EIF4B: variants seen among roughly 807,000 people sequenced by gnomAD.
The protein encoded by EIF4B is eukaryotic translation initiation factor 4B.
EIF4B carries 8 observed loss-of-function variants against 79.3 expected under a neutral mutation model. The observed-to-expected ratio is 0.10, with a 90% CI of 0.06 to 0.18. The LOEUF is 0.18. EIF4B is among the 10% of genes least tolerant of loss of function. The pLI, the probability that EIF4B is intolerant of heterozygous loss-of-function variation, is 1.00. For missense variants in EIF4B, 515 were observed against 792.4 expected (o/e 0.65, Z 4.20); for synonymous variants, 238 against 274.7 (o/e 0.87, Z 1.32).
intron 1 of EIF4B, 46 bp downstream of exon 1, chr12:53,006,542 C>T: frequency 6.2e-7 from 1 of 1,613,084 alleles, no homozygotes; most frequent in Non-Finnish European, 8.5e-7. Context: ...TCTGAAACCC[C>T]CCTCCGAGCG....
intron 8 of EIF4B, among the ~76,000 whole-genome samples, chr12:53,029,713 A>G (rs1226688873): frequency 6.6e-6 from 1 of 151,994 alleles, no homozygotes; most frequent in Admixed American, 6.6e-5. Flanking sequence ...TTAGTCCTAA[A>G]CTTTGTGGCA....
At chr12:53,022,267 A>G (rs1943257491) in intron 5 of EIF4B, 7 of 716,806 alleles carry the variant, frequency 9.8e-6, no homozygotes, top group Non-Finnish European at 1.7e-5. Context: ...CTCCTGGCCC[A>G]TACAGAATTT....
chr12:53,024,648 CTTTGT>C (rs145603743), intron 6 of EIF4B, among the ~76,000 whole-genome samples: 11 of 152,024 alleles, frequency 7.2e-5, no homozygotes, highest in South Asian at 4.1e-4. Flanking sequence ...TTTACAAGCT[CTTTGT>C]TTTGTTTTGT....
At chr12:53,008,451 GCTC>G (rs1176149566) in intron 1 of EIF4B, 3 of 152,130 alleles carry the variant, frequency 2.0e-5, no homozygotes, top group African/African-American at 7.2e-5. Context: ...TTGTTTCCCC[GCTC>G]CTCTTTCCAG....
intron 1 of EIF4B, among the ~76,000 whole-genome samples, chr12:53,006,854 A>G (rs1341262042): frequency 1.3e-5 from 2 of 151,144 alleles, no homozygotes; most frequent in East Asian, 3.9e-4. Context: ...TGGAGGAAGG[A>G]AGGAGGCGGT....
At chr12:53,031,024 C>G (rs927920144) in intron 8 of EIF4B, among the ~76,000 whole-genome samples, 2 of 151,918 alleles carry the variant, frequency 1.3e-5, no homozygotes, top group African/African-American at 4.8e-5. Context: ...AAGATTTGCC[C>G]TCTTGTCTCT....
intron 8 of EIF4B, among the ~76,000 whole-genome samples, chr12:53,033,543 A>G (rs541141253): frequency 6.8e-6 from 1 of 147,472 alleles, no homozygotes; most frequent in African/African-American, 2.5e-5. Context: ...GGGTTTCACC[A>G]TGTTGTCCAG....
chr12:53,033,192 T>C (rs1344454740), intron 8 of EIF4B, among the ~76,000 whole-genome samples: 3 of 149,578 alleles, frequency 2.0e-5, no homozygotes, highest in Non-Finnish European at 4.4e-5. Context: ...GCTAATTTTT[T>C]ATTTTTACTA....
Position 53,022,531 on chromosome 12 carries a change from G to C in EIF4B, c.571G>C (p.Asp191His). 6.2e-7 allele frequency: 1 copy of C among 1,613,326 alleles called. No individual in the cohort carries two copies. The highest frequency in any genetic ancestry group is 8.5e-7 in the Non-Finnish European group (1 of 1,179,868). Residue 191 changes from aspartate (D) to histidine (H), a missense_variant, in exon 6 of 15, where the codon GAT becomes CAT. Physicochemically the swap from Asp to His is moderately conservative, Grantham distance 81. Coordinates refer to ENST00000262056, the MANE Select transcript of EIF4B (RefSeq NM_001417.7). The stretch of plus-strand genomic sequence containing the variant: ...TTCTTTTGGCCGTGATAGAAATCGG[G>C]ATTCTGACAAAACAGATACAGACTG... ...DRSFGRDRNR[D>H]SDKTDTDWRA...
rs1168133310 is a variant in EIF4B, at chr12:53,016,172, A to G, written c.14-301A>G. Reference sequence around the variant, plus strand: ...ACAAAATTAAAGATCTCAAATGATAAGTGAATATAGTAGAAAATAAAAGGT... The same window carrying G: ...ACAAAATTAAAGATCTCAAATGATAGGTGAATATAGTAGAAAATAAAAGGT... On this transcript the variant is annotated intron_variant, in intron 1 of 14. Coordinates refer to ENST00000262056, the MANE Select transcript of EIF4B (RefSeq NM_001417.7). Among the ~76,000 whole-genome samples the G allele has an allele frequency of 2.0e-5, 3 of 152,368 alleles. No homozygotes were observed. The East Asian group carries it at 5.8e-4, about 29-fold the overall frequency.
At chr12:53,038,489 GC>G (rs781520454) in intron 12 of EIF4B, 78 bp downstream of exon 12, 20 of 1,416,802 alleles carry the variant, frequency 1.4e-5, no homozygotes, top group Non-Finnish European at 1.9e-5. Context: ...ATTTTGAAGA[GC>G]AGTGTGTCTC....
chr12:53,028,259 T>TACGA, intron 8 of EIF4B, 71 bp downstream of exon 8: 1 of 1,511,378 alleles, frequency 6.6e-7, no homozygotes, highest in East Asian at 2.3e-5. Context: ...GTGATTGTGT[T>TACGA]ACGAACTACT....
In EIF4B at chr12:53,040,130, C is replaced by T. The variant is rs763043784; in HGVS notation, c.1756-13C>T. The T allele has an allele frequency of 1.4e-5, 23 of 1,613,880 alleles. No homozygotes were observed. The highest frequency in any genetic ancestry group is 1.7e-5 in the Admixed American group (1 of 60,000). On this transcript the variant is annotated splice_polypyrimidine_tract_variant and intron_variant, in intron 14 of 14. Coordinates refer to ENST00000262056, the MANE Select transcript of EIF4B (RefSeq NM_001417.7). ...AGGGCCTTCATTATCCTGTCACTCT[C>T]GTTGTGTTACAGAAGTTCAGTTCTG...
At chr12:53,028,742 G>T (rs10783556) in intron 8 of EIF4B, among the ~76,000 whole-genome samples, 3 of 151,818 alleles carry the variant, frequency 2.0e-5, no homozygotes, top group Non-Finnish European at 2.9e-5. Flanking sequence ...ACTTAAAACA[G>T]ATGGTTTTAG....
intron 7 of EIF4B, 48 bp downstream of exon 7, chr12:53,027,967 T>G (rs760660925): frequency 6.2e-7 from 1 of 1,608,300 alleles, no homozygotes; most frequent in Non-Finnish European, 8.5e-7. Flanking sequence ...TTTGCCTTTT[T>G]TTTTTCCCCC....
chr12:53,034,831 G>A (rs2120975526), intron 10 of EIF4B, 122 bp downstream of exon 10: 1 of 1,076,428 alleles, frequency 9.3e-7, no homozygotes, highest in South Asian at 1.4e-5. Flanking sequence ...GGGTTGCATG[G>A]GCCGATTGGA....
At chr12:53,020,470 A>G (rs1943230007) in intron 4 of EIF4B, among the ~76,000 whole-genome samples, 1 of 152,224 alleles carries the variant, frequency 6.6e-6, no homozygotes, top group Non-Finnish European at 1.5e-5. Context: ...ATTTGGAAAC[A>G]TTTCCTACAA....
At chr12:53,006,618 G>A in intron 1 of EIF4B, 122 bp downstream of exon 1, 1 of 1,557,358 alleles carries the variant, frequency 6.4e-7, no homozygotes, top group East Asian at 2.3e-5. Context: ...TGAGGGCTGC[G>A]GCAGGCTGGC....
At chr12:53,022,104 G>T (rs1816971861) in intron 5 of EIF4B, 1 of 636,586 alleles carries the variant, frequency 1.6e-6, no homozygotes. Context: ...GAATAGGACA[G>T]TCCCCATCAA....
Sources: allele counts gnomAD v4.1 joint callset (sites outside exome capture counted in the v4.1 genomes callset), GRCh38; gene constraint gnomAD v4.1.1; transcripts MANE v1.5; gene names NCBI Gene and HGNC (gene_info 2026-07-23, HGNC 2026-07-21).